Variants in ARHGAP26 observed in about 807,000 individuals in gnomAD.
ARHGAP26 encodes Rho GTPase activating protein 26.
In ARHGAP26, 38 loss-of-function variants were observed where a neutral mutation model predicts 104.8. That is an observed-to-expected ratio of 0.36 (90% CI 0.28 to 0.48). The LOEUF is 0.48. Ranked by LOEUF, ARHGAP26 falls within the 20% of genes least tolerant of loss-of-function variation. The pLI is 0.99. For synonymous variants in ARHGAP26, 341 were observed against 340.0 expected (o/e 1.00, Z -0.03); for missense variants, 704 against 947.9 (o/e 0.74, Z 3.38).
chr5:143,165,438 G>A (rs1346636980), intron 20 of ARHGAP26: 1 of 152,184 alleles, frequency 6.6e-6, no homozygotes, highest in Non-Finnish European at 1.5e-5. Context: ...ACCTCATGCG[G>A]GCTTCGGTAA....
intron 1 of ARHGAP26, among the ~76,000 whole-genome samples, chr5:142,779,364 A>G (rs1757024886): frequency 6.6e-6 from 1 of 152,150 alleles, no homozygotes; most frequent in African/African-American, 2.4e-5. Context: ...GCCCTGGGTA[A>G]GCTGGAGACT....
At chr5:142,771,030 G>A (rs1377098367) in intron 1 of ARHGAP26, 115 bp downstream of exon 1, 8 of 1,429,256 alleles carry the variant, frequency 5.6e-6, no homozygotes, top group Admixed American at 5.0e-5. Context: ...TACACTGGGG[G>A]ACGGGTGTCG....
intron 10 of ARHGAP26, among the ~76,000 whole-genome samples, chr5:142,922,612 T>G (rs1763352991): frequency 6.6e-6 from 1 of 152,226 alleles, no homozygotes; most frequent in African/African-American, 2.4e-5. Flanking sequence ...GGCCTCTGTT[T>G]AAACATTACC....
At chr5:142,926,765 T>G (rs1763965476) in intron 10 of ARHGAP26, among the ~76,000 whole-genome samples, 1 of 152,142 alleles carries the variant, frequency 6.6e-6, no homozygotes, top group African/African-American at 2.4e-5. Context: ...GGTTGTTTCT[T>G]TTCCCTTTGA....
At chr5:142,782,580 A>G (rs1054946025) in intron 1 of ARHGAP26, among the ~76,000 whole-genome samples, 1 of 152,172 alleles carries the variant, frequency 6.6e-6, no homozygotes, top group Non-Finnish European at 1.5e-5. Context: ...AGCTGAAACC[A>G]TAGGGAGCAT....
At chr5:143,050,674 T>A (rs1784879080) in intron 14 of ARHGAP26, among the ~76,000 whole-genome samples, 1 of 152,224 alleles carries the variant, frequency 6.6e-6, no homozygotes, top group African/African-American at 2.4e-5. Context: ...GCCCAGACTT[T>A]GAAGACTGGA....
chr5:142,775,262 A>G (rs535035512), intron 1 of ARHGAP26, among the ~76,000 whole-genome samples: 1 of 152,098 alleles, frequency 6.6e-6, no homozygotes, highest in African/African-American at 2.4e-5. Flanking sequence ...TCTGCTCAGC[A>G]CTTGGTTTTG....
chr5:143,078,474 G>A (rs1331706256), intron 17 of ARHGAP26, among the ~76,000 whole-genome samples: 5 of 152,120 alleles, frequency 3.3e-5, no homozygotes, highest in African/African-American at 7.2e-5. Flanking sequence ...CTGATGGACC[G>A]TGCTAGAGAA....
intron 11 of ARHGAP26, among the ~76,000 whole-genome samples, chr5:142,938,926 G>C (rs1765845489): frequency 6.6e-6 from 1 of 152,186 alleles, no homozygotes; most frequent in East Asian, 1.9e-4. Flanking sequence ...TTGAAGGTTG[G>C]CAGATGCTAG....
chr5:143,086,229 C>T (rs934231117), intron 17 of ARHGAP26, among the ~76,000 whole-genome samples: 2 of 152,138 alleles, frequency 1.3e-5, no homozygotes, highest in Non-Finnish European at 2.9e-5. Flanking sequence ...TTGCATATAG[C>T]CATTCAAGGA....
chr5:143,012,882 C>A (rs1186422272), intron 11 of ARHGAP26, among the ~76,000 whole-genome samples: 1 of 151,868 alleles, frequency 6.6e-6, no homozygotes, highest in Non-Finnish European at 1.5e-5. Context: ...TCTCGATCTC[C>A]TGACCTCATG....
chr5:142,788,346 T>C (rs771996508), intron 1 of ARHGAP26, among the ~76,000 whole-genome samples: 6 of 152,138 alleles, frequency 3.9e-5, no homozygotes, highest in Admixed American at 6.5e-5. Context: ...TCTGCTTGCT[T>C]CCCGACTCCC....
At chr5:143,049,458 G>T (rs1176474099) in intron 14 of ARHGAP26, among the ~76,000 whole-genome samples, 1 of 151,876 alleles carries the variant, frequency 6.6e-6, no homozygotes, top group Non-Finnish European at 1.5e-5. Flanking sequence ...ATTTCAGTCT[G>T]CTACTTGTTT....
At chr5:142,950,929 G>C (rs943949685) in intron 11 of ARHGAP26, among the ~76,000 whole-genome samples, 2 of 152,096 alleles carry the variant, frequency 1.3e-5, no homozygotes, top group East Asian at 1.9e-4. Flanking sequence ...GTAGATCTTT[G>C]AGAAGTGAGA....
intron 17 of ARHGAP26, among the ~76,000 whole-genome samples, chr5:143,078,820 T>A (rs1206466273): frequency 1.3e-5 from 2 of 152,226 alleles, no homozygotes; most frequent in Non-Finnish European, 2.9e-5. Context: ...TTAGAGACTT[T>A]CTTAGCATCT....
chr5:142,872,136 G>GC (rs1404146308), intron 1 of ARHGAP26, among the ~76,000 whole-genome samples: 2 of 143,776 alleles, frequency 1.4e-5, no homozygotes, highest in Non-Finnish European at 3.0e-5. Flanking sequence ...CACTCCCACC[G>GC]CCCCCCACAT....
chr5:143,103,826 G>A lies in ARHGAP26; in HGVS notation c.1539-17162G>A, dbSNP rs868446567. Among the ~76,000 whole-genome samples the A allele has an allele frequency of 2.6e-5, 4 of 152,258 alleles. 1 individual carries two copies. In the South Asian group the frequency reaches 8.3e-4, roughly 32 times the overall value. On this transcript the variant is annotated intron_variant, in intron 17 of 22. Transcript: ENST00000645722. Reference sequence around the variant, plus strand: ...AGGGGGAAGAGGAGGATAACCTTGGGAGAAATACCTAATGTAGATGACGGG... The same window carrying A: ...AGGGGGAAGAGGAGGATAACCTTGGAAGAAATACCTAATGTAGATGACGGG...
At chr5:142,814,527 C>T (rs1431101885) in intron 1 of ARHGAP26, among the ~76,000 whole-genome samples, 3 of 152,204 alleles carry the variant, frequency 2.0e-5, no homozygotes, top group African/African-American at 4.8e-5. Context: ...TGCATTGCTT[C>T]AGAGATGATT....
intron 1 of ARHGAP26, among the ~76,000 whole-genome samples, chr5:142,805,429 C>A (rs1384427973): frequency 6.6e-6 from 1 of 152,140 alleles, no homozygotes; most frequent in African/African-American, 2.4e-5. Flanking sequence ...TTCTCCAGTT[C>A]ATAGACATTT....
Sources: gnomAD v4.1 joint callset for allele counts (sites outside exome capture counted in the v4.1 genomes callset) on GRCh38, gnomAD v4.1.1 for gene constraint, MANE v1.5 for transcripts, NCBI Gene and HGNC (gene_info 2026-07-23, HGNC 2026-07-21) for gene names.